Variants in ELF2 observed in about 807,000 individuals in gnomAD.
ELF2 encodes the protein ETS-related transcription factor Elf-2.
ELF2 carries 11 observed loss-of-function variants against 54.8 expected under a neutral mutation model. The ratio of observed to expected loss-of-function variants is 0.20; its 90% CI spans 0.13 to 0.33. ELF2 has a LOEUF of 0.33. Among genes scored for constraint, ELF2 ranks in the 10% least tolerant of loss-of-function variants. The probability of loss-of-function intolerance (pLI) is 1.00; values close to 1 mark genes in which losing one functional copy is unlikely to be tolerated. For synonymous variants in ELF2, 203 were observed against 245.1 expected (o/e 0.83, Z 1.61); for missense variants, 513 against 703.0 (o/e 0.73, Z 3.06).
intron 4 of ELF2, among the ~76,000 whole-genome samples, chr4:139,114,642 C>CTTTTTT (rs59282364): frequency 9.5e-6 from 1 of 104,854 alleles, no homozygotes; most frequent in African/African-American, 3.7e-5. Context: ...TTTTTTCTTT[C>CTTTTTT]TTTTTTTTTT....
intron 4 of ELF2, among the ~76,000 whole-genome samples, chr4:139,110,442 T>A (rs1560821572): frequency 6.6e-6 from 1 of 152,198 alleles, no homozygotes; most frequent in African/African-American, 2.4e-5. Context: ...CTAATCTTTG[T>A]TTCATGAAAC....
intron 1 of ELF2, among the ~76,000 whole-genome samples, chr4:139,140,745 C>A (rs1284699453): frequency 2.6e-5 from 4 of 151,200 alleles, no homozygotes; most frequent in African/African-American, 4.9e-5. Context: ...CAGAGCAAGA[C>A]CCTGTCTCAA....
chr4:139,141,588 T>C (rs1374439351), intron 1 of ELF2, among the ~76,000 whole-genome samples: 1 of 152,192 alleles, frequency 6.6e-6, no homozygotes, highest in African/African-American at 2.4e-5. Flanking sequence ...AAGACTGATC[T>C]AGAAAGAGAC....
At chr4:139,150,518 C>CA (rs34465260) in intron 1 of ELF2, among the ~76,000 whole-genome samples, 21,832 of 76,612 alleles carry the variant, frequency 0.28, 2,408 homozygotes, top group Middle Eastern at 0.41. Flanking sequence ...GACCCTGTCT[C>CA]AAAAAAAAAA....
At chr4:139,151,086 A>AAGAAAG (rs1272950124) in intron 1 of ELF2, among the ~76,000 whole-genome samples, 1 of 147,944 alleles carries the variant, frequency 6.8e-6, no homozygotes, top group African/African-American at 2.5e-5. Flanking sequence ...GAAAGAAAGA[A>AAGAAAG]AGAAAGAAAA....
intron 4 of ELF2, among the ~76,000 whole-genome samples, 174 bp downstream of exon 4, chr4:139,124,990 A>G (rs561994539): frequency 1.3e-5 from 2 of 152,318 alleles, no homozygotes; most frequent in East Asian, 3.9e-4. Flanking sequence ...GAATTATACA[A>G]TAGAAGTTTT....
rs867011094 is a variant in ELF2 at position 139,058,905 on chromosome 4, T to C, written c.*78A>G. 14 of 1,509,390 alleles carry C rather than the reference T, an allele frequency of 9.3e-6. No individual in the cohort carries two copies. Among genetic ancestry groups the C allele is most frequent in the Middle Eastern group, 1.9e-4 (1 of 5,338 alleles). 93.5% of individuals were successfully genotyped at this position (1,509,390 alleles called of 1,614,324 possible). On this transcript the variant is annotated 3_prime_UTR_variant, in exon 10 of 10. Coordinates refer to ENST00000686138, the MANE Select transcript of ELF2 (RefSeq NM_001331036.3). Reference sequence around the variant, plus strand: ...AAATGTTTTAAAGTCTTCTTTGACTTTTCTTGATGACTTCCCTTGCAAATG... The same window carrying C: ...AAATGTTTTAAAGTCTTCTTTGACTCTTCTTGATGACTTCCCTTGCAAATG...
intron 3 of ELF2, among the ~76,000 whole-genome samples, chr4:139,132,445 G>A (rs1052014225): frequency 1.3e-5 from 2 of 151,984 alleles, no homozygotes; most frequent in African/African-American, 4.8e-5. Context: ...CACCACATGT[G>A]CATGCACACA....
intron 1 of ELF2, among the ~76,000 whole-genome samples, chr4:139,156,761 C>T (rs1266089820): frequency 2.0e-5 from 3 of 151,938 alleles, no homozygotes; most frequent in Non-Finnish European, 4.4e-5. Flanking sequence ...CTCAGCTTCC[C>T]AAGTAGCTGG....
At chr4:139,119,698 T>C (rs1030470245) in intron 4 of ELF2, among the ~76,000 whole-genome samples, 10 of 152,230 alleles carry the variant, frequency 6.6e-5, no homozygotes, top group South Asian at 2.1e-4. Flanking sequence ...TATTAAAACA[T>C]TCCTTAAATT....
At chr4:139,071,497 G>T (rs1729504759) in intron 6 of ELF2, among the ~76,000 whole-genome samples, 1 of 151,796 alleles carries the variant, frequency 6.6e-6, no homozygotes, top group Non-Finnish European at 1.5e-5. Context: ...GTAAAATAAA[G>T]AATAAAATGT....
chr4:139,100,778 G>A (rs1733802310), intron 4 of ELF2: 1 of 152,224 alleles, frequency 6.6e-6, no homozygotes, highest in Admixed American at 6.5e-5. Context: ...TCCACTGAAA[G>A]ATTTTAGGGA....
intron 1 of ELF2, among the ~76,000 whole-genome samples, chr4:139,148,316 ATTTTTTTTTTTT>A (rs772079635): frequency 7.0e-4 from 45 of 64,570 alleles, no homozygotes; most frequent in East Asian, 3.3e-3. Flanking sequence ...TACCTGGCTA[ATTTTTTTTTTTT>A]TTTTTTTTTT....
At chr4:139,130,629 C>G (rs2148846857) in intron 3 of ELF2, among the ~76,000 whole-genome samples, 1 of 152,162 alleles carries the variant, frequency 6.6e-6, no homozygotes, top group South Asian at 2.1e-4. Context: ...GTTCATTGTC[C>G]CATATTATAA....
intron 4 of ELF2, among the ~76,000 whole-genome samples, chr4:139,107,037 T>C (rs773941526): frequency 1.3e-5 from 2 of 152,148 alleles, no homozygotes; most frequent in Admixed American, 1.3e-4. Flanking sequence ...TGTGCCACCA[T>C]GCCCAGCCTT....
At chr4:139,086,068 A>G (rs1263293850) in intron 4 of ELF2, among the ~76,000 whole-genome samples, 1 of 152,240 alleles carries the variant, frequency 6.6e-6, no homozygotes, top group Non-Finnish European at 1.5e-5. Flanking sequence ...AAAAAAAGTT[A>G]AATCCATTTT....
chr4:139,175,639 G>A (rs1472494113), intron 1 of ELF2, among the ~76,000 whole-genome samples: 1 of 152,182 alleles, frequency 6.6e-6, no homozygotes, highest in Non-Finnish European at 1.5e-5. Context: ...TGGCACCAAA[G>A]AAAGTGCATA....
At chr4:139,095,856 C>T (rs1389155977) in intron 4 of ELF2, among the ~76,000 whole-genome samples, 1 of 152,050 alleles carries the variant, frequency 6.6e-6, no homozygotes, top group East Asian at 1.9e-4. Flanking sequence ...ATCAGCCTGG[C>T]CAACATGGTG....
At chr4:139,084,576 T>A in intron 4 of ELF2, 2 of 289,316 alleles carry the variant, frequency 6.9e-6, no homozygotes, top group Non-Finnish European at 1.1e-5. Flanking sequence ...GAGAGACACC[T>A]GAGGCTGGGA....
Sources: gnomAD v4.1 joint callset for allele counts (sites outside exome capture counted in the v4.1 genomes callset) on GRCh38, gnomAD v4.1.1 for gene constraint, MANE v1.5 for transcripts, NCBI Gene and HGNC (gene_info 2026-07-23, HGNC 2026-07-21) for gene names.